Variants in FRAS1 observed in about 807,000 individuals in gnomAD.
The protein encoded by FRAS1 is extracellular matrix organizing protein FRAS1.
In FRAS1, 290 loss-of-function variants were observed where a neutral mutation model predicts 435.2. The observed-to-expected ratio is 0.67, with a 90% CI of 0.61 to 0.73. The LOEUF (loss-of-function observed/expected upper bound fraction) is 0.73. Ranked by LOEUF, FRAS1 falls within the 30% of genes least tolerant of loss-of-function variation. The pLI, the probability that FRAS1 is intolerant of heterozygous loss-of-function variation, is 0.00. For synonymous variants in FRAS1, 1,800 were observed against 1,851.0 expected (o/e 0.97, Z 0.71); for missense variants, 4,860 against 5,001.5 (o/e 0.97, Z 0.85).
intron 41 of FRAS1, among the ~76,000 whole-genome samples, chr4:78,441,775 C>T (rs1281900744): frequency 6.6e-6 from 1 of 152,172 alleles, no homozygotes; most frequent in African/African-American, 2.4e-5. Context: ...TTTAGCTGAA[C>T]CATAGCTTCT....
At chr4:78,417,518 G>C (rs1733598592) in intron 32 of FRAS1, among the ~76,000 whole-genome samples, 1 of 152,120 alleles carries the variant, frequency 6.6e-6, no homozygotes, top group Non-Finnish European at 1.5e-5. Context: ...GTTTTAATTT[G>C]TTGTCCTTAC....
At chr4:78,488,125 T>C (rs997349273) in intron 58 of FRAS1, among the ~76,000 whole-genome samples, 3 of 152,040 alleles carry the variant, frequency 2.0e-5, no homozygotes, top group Non-Finnish European at 4.4e-5. Flanking sequence ...AGAGCGAGAC[T>C]CCGTCTCAAA....
At chr4:78,310,849 T>C (rs1364112570) in intron 15 of FRAS1, among the ~76,000 whole-genome samples, 1 of 152,218 alleles carries the variant, frequency 6.6e-6, no homozygotes, top group African/African-American at 2.4e-5. Context: ...CCGGCTGGTG[T>C]GGGTTTAACA....
At position 78,182,076 on chromosome 4, in the gene FRAS1, G is replaced by A. The variant is rs535667382; in HGVS notation, c.109-55434G>A. The A allele has an allele frequency of 2.0e-3, 2,991 of 1,494,344 alleles. 6 individuals carry two copies. The highest frequency in any genetic ancestry group is 2.4e-3 in the Non-Finnish European group (2,706 of 1,123,028). 92.6% of individuals were successfully genotyped at this position (1,494,344 alleles called of 1,614,324 possible). ...GTGGCTCGGCGGCGGGTTCCTCTAC[G>A]GATTGCAGCGGGCCGCGCCGAGCCA... is the stretch of plus-strand genomic sequence containing the variant. On this transcript the variant is annotated intron_variant, in intron 2 of 73. Coordinates refer to ENST00000512123, the MANE Select transcript of FRAS1 (RefSeq NM_025074.7).
At chr4:78,427,915 A>G (rs1395208672) in intron 35 of FRAS1, among the ~76,000 whole-genome samples, 1 of 152,272 alleles carries the variant, frequency 6.6e-6, no homozygotes, top group Admixed American at 6.5e-5. Context: ...TAAGTCCAGA[A>G]GAAAGTGAGG....
At chr4:78,158,798 G>A (rs1721001917) in intron 2 of FRAS1, among the ~76,000 whole-genome samples, 1 of 152,104 alleles carries the variant, frequency 6.6e-6, no homozygotes, top group South Asian at 2.1e-4. Flanking sequence ...ACCCAAAGTA[G>A]GCTGATCTTG....
At chr4:78,332,467 A>G (rs1302599904) in intron 18 of FRAS1, among the ~76,000 whole-genome samples, 1 of 152,192 alleles carries the variant, frequency 6.6e-6, no homozygotes, top group African/African-American at 2.4e-5. Flanking sequence ...GTCTCTTTTC[A>G]CCTGTGGGTT....
In FRAS1 at chr4:78,519,048, C is replaced by A. The variant is rs79031314; in HGVS notation, c.10390-283C>A. Among the ~76,000 whole-genome samples, 1,283 of 152,296 alleles carry A rather than the reference C, an allele frequency of 8.4e-3. 15 individuals are homozygous for A. Among genetic ancestry groups the A allele is most frequent in the African/African-American group, 0.029 (1,221 of 41,540 alleles). ...TCAGCCAAATCTTCTAGCAACTGAA[C>A]AGAGCTCATTCTCCCACTTCAAAAG... On this transcript the variant is annotated intron_variant, in intron 66 of 73. Transcript: ENST00000512123.
intron 7 of FRAS1, among the ~76,000 whole-genome samples, chr4:78,266,552 A>G (rs1364868988): frequency 6.6e-6 from 1 of 152,184 alleles, no homozygotes; most frequent in Non-Finnish European, 1.5e-5. Flanking sequence ...AGGTCTTTCT[A>G]CCCATCTCAA....
intron 59 of FRAS1, 137 bp from the exon 60 acceptor site, chr4:78,496,668 A>G (rs2109871460): frequency 2.3e-6 from 2 of 853,346 alleles, no homozygotes; most frequent in Non-Finnish European, 1.8e-6. Flanking sequence ...ATTTTGTTTT[A>G]TAAATGAAAC....
At chr4:78,187,805 G>A (rs535586497) in intron 2 of FRAS1, among the ~76,000 whole-genome samples, 6 of 152,070 alleles carry the variant, frequency 3.9e-5, no homozygotes, top group East Asian at 3.9e-4. Context: ...GAGTTTCACC[G>A]TGTTAGCCAG....
intron 2 of FRAS1, among the ~76,000 whole-genome samples, chr4:78,152,187 A>G (rs1720694673): frequency 6.6e-6 from 1 of 152,148 alleles, no homozygotes; most frequent in African/African-American, 2.4e-5. Flanking sequence ...AGAAAGGTTG[A>G]CATCTGTGAA....
At chr4:78,373,810 A>C (rs899626348) in intron 24 of FRAS1, among the ~76,000 whole-genome samples, 1 of 152,002 alleles carries the variant, frequency 6.6e-6, no homozygotes, top group African/African-American at 2.4e-5. Flanking sequence ...ATAGCTGCTG[A>C]TATCTGTCAT....
chr4:78,057,384 G>T lies in FRAS1; in HGVS notation c.-626G>T, dbSNP rs931862245. Among the ~76,000 whole-genome samples, 1 of 152,142 alleles carries T rather than the reference G, an allele frequency of 6.6e-6. No homozygotes were observed. Among genetic ancestry groups the T allele is most frequent in the Non-Finnish European group, 1.5e-5 (1 of 68,024 alleles). On this transcript the variant is annotated 5_prime_UTR_variant, in exon 1 of 74. Coordinates refer to ENST00000512123, the MANE Select transcript of FRAS1 (RefSeq NM_025074.7). This position sits in a 1 kb window ranked among gnomAD's most constrained non-coding sequence, Gnocchi z 4.2. ...AGCGCAGCCTGAGGCGGTGTGGTGCGGTGCGGCTGCAGGGCGGGCGAGTCC... is the reference window on the plus strand; with the variant it reads ...AGCGCAGCCTGAGGCGGTGTGGTGCTGTGCGGCTGCAGGGCGGGCGAGTCC...
intron 22 of FRAS1, among the ~76,000 whole-genome samples, chr4:78,367,836 T>G (rs375310971): frequency 6.6e-6 from 1 of 152,166 alleles, no homozygotes; most frequent in African/African-American, 2.4e-5. Context: ...ACTATGTATG[T>G]TTTCTATATA....
intron 47 of FRAS1, among the ~76,000 whole-genome samples, chr4:78,459,983 CTGGGGCT>C (rs1719318823): frequency 6.6e-6 from 1 of 152,152 alleles, no homozygotes; most frequent in Non-Finnish European, 1.5e-5. Flanking sequence ...TTCTGAAATA[CTGGGGCT>C]TGGGACTTCA....
At chr4:78,093,758 CAAAATT>C (rs1741648904) in intron 2 of FRAS1, among the ~76,000 whole-genome samples, 1 of 152,062 alleles carries the variant, frequency 6.6e-6, no homozygotes, top group African/African-American at 2.4e-5. Flanking sequence ...GTTATGAAGA[CAAAATT>C]AAAAAATCCT....
chr4:78,394,606 A>G lies in FRAS1; in HGVS notation c.3976-6128A>G, dbSNP rs7440433. ...CCAGAACTGTAATGTTTTAATTACT[A>G]TAACTTTGTAATGTAATTTGGAATT... On this transcript the variant is annotated intron_variant, in intron 29 of 73. Coordinates refer to ENST00000512123, the MANE Select transcript of FRAS1 (RefSeq NM_025074.7). Among the ~76,000 whole-genome samples, 1,206 of 152,106 alleles carry G rather than the reference A, an allele frequency of 7.9e-3. 5 individuals are homozygous for G. The highest frequency in any genetic ancestry group is 0.013 in the Non-Finnish European group (854 of 67,854).
chr4:78,309,665 T>TG (rs1389822404), intron 15 of FRAS1, among the ~76,000 whole-genome samples: 1 of 152,032 alleles, frequency 6.6e-6, no homozygotes, highest in Non-Finnish European at 1.5e-5. Context: ...CTGCCTATTT[T>TG]TTTTTATTTT....
Sources: gnomAD v4.1 joint callset for allele counts (sites outside exome capture counted in the v4.1 genomes callset) on GRCh38, gnomAD v4.1.1 for gene constraint, Gnocchi (gnomAD v3.1) non-coding constraint, MANE v1.5 for transcripts, NCBI Gene and HGNC (gene_info 2026-07-23, HGNC 2026-07-21) for gene names.